XYLT1: variants seen among roughly 807,000 people sequenced by gnomAD.
XYLT1 encodes the protein xylosyltransferase 1.
Under a neutral mutation model 91.3 loss-of-function variants are expected in XYLT1, and 36 were observed. The ratio of observed to expected loss-of-function variants is 0.39; its 90% confidence interval spans 0.30 to 0.52. The LOEUF (loss-of-function observed/expected upper bound fraction) is 0.52, where lower values mean the gene tolerates loss of function less well. Ranked by LOEUF, XYLT1 falls within the 20% of genes least tolerant of loss-of-function variation. The probability of loss-of-function intolerance (pLI) is 0.68; values close to 1 mark genes in which losing one functional copy is unlikely to be tolerated. For synonymous variants in XYLT1, 588 were observed against 532.0 expected (o/e 1.11, Z -1.45); for missense variants, 1,242 against 1,284.5 (o/e 0.97, Z 0.51).
chr16:17,219,471 C>T (rs1381673936), intron 3 of XYLT1, among the ~76,000 whole-genome samples: 2 of 152,008 alleles, frequency 1.3e-5, no homozygotes, highest in Non-Finnish European at 2.9e-5. Context: ...AGGGGATAAC[C>T]ATTATGCTGT....
intron 11 of XYLT1, among the ~76,000 whole-genome samples, chr16:17,116,853 CCT>C (rs1437011759): frequency 6.6e-6 from 1 of 152,108 alleles, no homozygotes; most frequent in South Asian, 2.1e-4. Flanking sequence ...TGAAGTGGAA[CCT>C]CTCTTTGCTT....
At chr16:17,379,763 T>TCTCTCTCTCTCTCTCTCTCTCTCACACA (rs373354877) in intron 1 of XYLT1, among the ~76,000 whole-genome samples, 1 of 125,546 alleles carries the variant, frequency 8.0e-6, no homozygotes, top group Admixed American at 8.0e-5. Context: ...TCTCTCTCTC[T>TCTCTCTCTCTCTCTCTCTCTCTCACACA]CACACACACA....
intron 2 of XYLT1, among the ~76,000 whole-genome samples, chr16:17,320,504 T>C (rs113764598): frequency 7.1e-6 from 1 of 140,542 alleles, no homozygotes; most frequent in Non-Finnish European, 1.5e-5. Context: ...TTTTTGAGAC[T>C]GAGTCTTGCT....
chr16:17,254,988 T>C (rs1256691580), intron 3 of XYLT1, among the ~76,000 whole-genome samples: 1 of 136,960 alleles, frequency 7.3e-6, no homozygotes, highest in African/African-American at 2.9e-5. Context: ...TTTCCTTTTT[T>C]TCTTTTTCTT....
intron 1 of XYLT1, among the ~76,000 whole-genome samples, chr16:17,392,960 G>C (rs534078691): frequency 5.1e-4 from 78 of 152,236 alleles, no homozygotes; most frequent in African/African-American, 1.8e-3. Flanking sequence ...ATGTGGGTTC[G>C]GTAAGAGTTA....
intron 2 of XYLT1, among the ~76,000 whole-genome samples, chr16:17,340,402 G>T (rs1331138719): frequency 2.0e-5 from 3 of 152,252 alleles, no homozygotes; most frequent in African/African-American, 7.2e-5. Flanking sequence ...CACCACATGG[G>T]CTGGGGCCCC....
At chr16:17,346,480 C>T (rs1302647503) in intron 2 of XYLT1, among the ~76,000 whole-genome samples, 1 of 152,194 alleles carries the variant, frequency 6.6e-6, no homozygotes, top group Non-Finnish European at 1.5e-5. Flanking sequence ...CATGGACATC[C>T]AGCAGCTCAG....
At chr16:17,434,746 T>C (rs1043984573) in intron 1 of XYLT1, among the ~76,000 whole-genome samples, 1 of 152,122 alleles carries the variant, frequency 6.6e-6, no homozygotes, top group African/African-American at 2.4e-5. Flanking sequence ...CACACATCTG[T>C]AGCCCCAGCT....
intron 3 of XYLT1, among the ~76,000 whole-genome samples, chr16:17,206,056 T>C (rs1306843316): frequency 6.6e-6 from 1 of 152,132 alleles, no homozygotes; most frequent in Non-Finnish European, 1.5e-5. Context: ...AGCTGGGGTG[T>C]AGAATGCAAC....
At chr16:17,332,812 A>G (rs2034921705) in intron 2 of XYLT1, among the ~76,000 whole-genome samples, 1 of 152,038 alleles carries the variant, frequency 6.6e-6, no homozygotes, top group Non-Finnish European at 1.5e-5. Context: ...CATCCAGTAG[A>G]TACTCCATCA....
At chr16:17,309,871 G>A (rs532806635) in intron 2 of XYLT1, among the ~76,000 whole-genome samples, 70 of 152,268 alleles carry the variant, frequency 4.6e-4, no homozygotes, top group African/African-American at 1.6e-3. Flanking sequence ...TTAACCTTTT[G>A]GTGGATGGTG....
At chr16:17,412,908 G>C (rs531610800) in intron 1 of XYLT1, among the ~76,000 whole-genome samples, 1 of 152,306 alleles carries the variant, frequency 6.6e-6, no homozygotes, top group South Asian at 2.1e-4. Flanking sequence ...AACCTGATTT[G>C]CAGTCCAGCC....
chr16:17,303,228 C>T (rs573703529), intron 2 of XYLT1, among the ~76,000 whole-genome samples: 3 of 152,330 alleles, frequency 2.0e-5, no homozygotes, highest in East Asian at 3.9e-4. Context: ...TGGCAAACTA[C>T]AGCTTTAAGA....
intron 2 of XYLT1, among the ~76,000 whole-genome samples, chr16:17,344,327 CAA>C (rs1167697825): frequency 1.1e-4 from 12 of 105,064 alleles, no homozygotes; most frequent in African/African-American, 7.0e-5. Flanking sequence ...CTAAAAAATA[CAA>C]AAAAAAAAAA....
chr16:17,379,757 TCTCTCTCA>T (rs1439293047), intron 1 of XYLT1, among the ~76,000 whole-genome samples: 5 of 129,924 alleles, frequency 3.8e-5, no homozygotes, highest in South Asian at 2.4e-4. Flanking sequence ...TCTCTCTCTC[TCTCTCTCA>T]CACACACACA....
At chr16:17,257,543 T>TTATCGTAAGC (rs1486006117) in intron 3 of XYLT1, among the ~76,000 whole-genome samples, 1 of 152,040 alleles carries the variant, frequency 6.6e-6, no homozygotes, top group Non-Finnish European at 1.5e-5. Flanking sequence ...AGAGGCTGGA[T>TTATCGTAAGC]TATCGTAAGC....
chr16:17,469,181 T>C (rs1321778630), intron 1 of XYLT1, among the ~76,000 whole-genome samples: 1 of 152,236 alleles, frequency 6.6e-6, no homozygotes, highest in Non-Finnish European at 1.5e-5. Flanking sequence ...CGAAGAAGTT[T>C]AGCAGCTCAG....
intron 5 of XYLT1, among the ~76,000 whole-genome samples, chr16:17,176,650 C>T (rs980091238): frequency 5.3e-5 from 8 of 152,134 alleles, no homozygotes; most frequent in South Asian, 4.1e-4. Flanking sequence ...CCCAGGGCCA[C>T]GAAGCCTAAG....
At chr16:17,338,440 G>T (rs1179854274) in intron 2 of XYLT1, 1 of 456,438 alleles carries the variant, frequency 2.2e-6, no homozygotes, top group Non-Finnish European at 4.4e-6. Flanking sequence ...CAACAAAGGA[G>T]AAGTTGAAAC....
Sources: allele counts gnomAD v4.1 joint callset (sites outside exome capture counted in the v4.1 genomes callset), GRCh38; gene constraint gnomAD v4.1.1; transcripts MANE v1.5; gene names NCBI Gene and HGNC (gene_info 2026-07-23, HGNC 2026-07-21).